The following PCSK1 variants were observed in gnomAD, a reference collection of about 807,000 sequenced individuals.
PCSK1 encodes the protein neuroendocrine convertase 1.
Under a neutral mutation model 90.6 loss-of-function variants are expected in PCSK1, and 56 were observed. The observed-to-expected ratio is 0.62, with a 90% CI of 0.50 to 0.77. The LOEUF is 0.77. Ranked by LOEUF, PCSK1 falls within the 30% of genes least tolerant of loss-of-function variation. The pLI is 0.00. For synonymous variants in PCSK1, 348 were observed against 342.4 expected (o/e 1.02, Z -0.18); for missense variants, 801 against 932.6 (o/e 0.86, Z 1.84).
chr5:96,422,163 CCAGCATTCAATTCT>C (rs145474576), intron 4 of PCSK1, among the ~76,000 whole-genome samples: 3,727 of 152,114 alleles, frequency 0.025, 145 homozygotes, highest in African/African-American at 0.085. Context: ...GCCAGGTGAG[CCAGCATTCAATTCT>C]CAGTGAATGT....
intron 1 of PCSK1, 109 bp downstream of exon 1, chr5:96,432,754 A>T: frequency 1.2e-6 from 1 of 850,642 alleles, no homozygotes; most frequent in Non-Finnish European, 2.0e-6. Context: ...GCTCTTTGCT[A>T]CTCTGGGCTC....
intron 2 of PCSK1, 143 bp downstream of exon 2, chr5:96,429,070 G>T (rs1162201882): frequency 8.4e-6 from 5 of 592,998 alleles, no homozygotes; most frequent in African/African-American, 1.9e-5. Context: ...TTTATGGAAA[G>T]AAATTAGAAA....
intron 9 of PCSK1, among the ~76,000 whole-genome samples, chr5:96,403,427 A>G (rs958762214): frequency 6.6e-6 from 1 of 151,960 alleles, no homozygotes; most frequent in Non-Finnish European, 1.5e-5. Context: ...ACCCCACCCC[A>G]TGACAGGCCC....
At chr5:96,431,177 A>G (rs1330148794) in intron 1 of PCSK1, among the ~76,000 whole-genome samples, 3 of 152,164 alleles carry the variant, frequency 2.0e-5, no homozygotes, top group African/African-American at 4.8e-5. Flanking sequence ...TCTGCTACTC[A>G]TACCCTCTTT....
At chr5:96,406,818 G>A (rs1199397175) in intron 9 of PCSK1, among the ~76,000 whole-genome samples, 1 of 152,208 alleles carries the variant, frequency 6.6e-6, no homozygotes, top group African/African-American at 2.4e-5. Flanking sequence ...TAATTTACAA[G>A]TTTAATCACT....
intron 1 of PCSK1, chr5:96,432,000 AC>A: frequency 1.0e-6 from 1 of 955,688 alleles, no homozygotes; most frequent in Non-Finnish European, 1.6e-6. Context: ...ACGCCCACCC[AC>A]CTCCAACCAG....
chr5:96,392,906 A>G lies in PCSK1; in HGVS notation c.*95T>C. 4 of 1,234,878 alleles carry G rather than the reference A, an allele frequency of 3.2e-6. No individual in the cohort carries two copies. The highest frequency in any genetic ancestry group is 4.8e-6 in the Non-Finnish European group (4 of 841,214). 76.5% of individuals were successfully genotyped at this position (1,234,878 alleles called of 1,614,324 possible). A position where few individuals can be genotyped will look rare whatever the true frequency, so the allele number is the denominator to read the frequency against. ...GTGCCACAAAGGATATTATAAGCAT[A>G]AGAATTCATGACAAAACAACCACTT... On this transcript the variant is annotated 3_prime_UTR_variant, in exon 14 of 14. Transcript: ENST00000311106.
Position 96,400,006 on chromosome 5 carries a change from C to T in PCSK1, c.1377G>A (p.Arg459=). Residue 459 remains arginine (R), a synonymous_variant, in exon 10 of 14, where the codon AGG becomes AGA. Coordinates refer to ENST00000311106, the MANE Select transcript of PCSK1 (RefSeq NM_000439.5). Reference sequence around the variant, plus strand: ...CACACTCTTTCTTCTCAGGCACGCTCCTCCAGGTCCTGGGGTCAGCTAAAT... The same window carrying T: ...CACACTCTTTCTTCTCAGGCACGCTTCTCCAGGTCCTGGGGTCAGCTAAAT... ...LVDLADPRTW[R]SVPEKKECVV... is the part of the protein sequence containing the mutation. 6.2e-7 allele frequency: 1 copy of T among 1,614,252 alleles called. No individual in the cohort carries two copies. Among genetic ancestry groups the T allele is most frequent in the Non-Finnish European group, 8.5e-7 (1 of 1,180,038 alleles).
chr5:96,393,281 C>T lies in PCSK1; in HGVS notation c.1982G>A (p.Gly661Glu), dbSNP rs544018373. 6.2e-7 allele frequency: 1 copy of T among 1,613,984 alleles called. No individual in the cohort carries two copies. The change falls in exon 14 of 14, where the codon GGA (glycine) becomes GAA (glutamate). Residue 661 changes from glycine (G) to glutamate (E), a missense_variant. By Grantham distance (98) the Gly-to-Glu change is moderately conservative. Transcript: ENST00000311106. ...VGGRRDELEE[G>E]APSQAMLRLL... ...TCGCAGCATGGCCTGGGAAGGGGCT[C>T]CCTCCTCCAACTCATCCCTCCGGCC...
rs1250753112 is a variant in PCSK1, at chr5:96,398,873, A to T, written c.1588+6T>A. ...ATATAAATGGCTTAGAACTTTTTTA[A>T]TTTACCAGCAGCAGAAGTAAGTGTG... On this transcript the variant is annotated splice_donor_region_variant and intron_variant, in intron 11 of 13. Coordinates refer to ENST00000311106, the MANE Select transcript of PCSK1 (RefSeq NM_000439.5). 10 of 1,611,608 alleles carry T rather than the reference A, an allele frequency of 6.2e-6. No homozygotes were observed. Among genetic ancestry groups the T allele is most frequent in the Non-Finnish European group, 7.6e-6 (9 of 1,177,886 alleles).
chr5:96,416,266 A>G, intron 5 of PCSK1, 145 bp from the exon 6 acceptor site: 3 of 673,300 alleles, frequency 4.5e-6, no homozygotes, highest in Non-Finnish European at 5.4e-6. Context: ...TTAGTATAAC[A>G]TAAAACTTAT....
chr5:96,431,351 T>C (rs1761489423), intron 1 of PCSK1, among the ~76,000 whole-genome samples: 1 of 152,160 alleles, frequency 6.6e-6, no homozygotes, highest in Admixed American at 6.5e-5. Context: ...GGAGCAAATG[T>C]TTTCTCCTTT....
At chr5:96,422,519 G>A (rs966447645) in intron 4 of PCSK1, among the ~76,000 whole-genome samples, 3 of 152,130 alleles carry the variant, frequency 2.0e-5, no homozygotes, top group Non-Finnish European at 2.9e-5. Flanking sequence ...CAACCCAATA[G>A]CTACACTTAA....
intron 9 of PCSK1, among the ~76,000 whole-genome samples, chr5:96,401,240 A>G (rs1443406207): frequency 2.0e-5 from 3 of 152,194 alleles, no homozygotes; most frequent in African/African-American, 7.2e-5. Flanking sequence ...AAGATCTAGG[A>G]AAACTTTGTG....
At position 96,392,913 on chromosome 5, in the gene PCSK1, C is replaced by G. The variant is rs886060886; in HGVS notation, c.*88G>C. 14 of 1,310,744 alleles carry G rather than the reference C, an allele frequency of 1.1e-5. No homozygotes were observed. Among genetic ancestry groups the G allele is most frequent in the Admixed American group, 1.0e-4 (6 of 59,154 alleles). 81.2% of individuals were successfully genotyped at this position (1,310,744 alleles called of 1,614,324 possible). On this transcript the variant is annotated 3_prime_UTR_variant, in exon 14 of 14. Transcript: ENST00000311106. ...AAAGGATATTATAAGCATAAGAATT[C>G]ATGACAAAACAACCACTTCAGACAC...
Sources: gnomAD v4.1 joint callset for allele counts (sites outside exome capture counted in the v4.1 genomes callset) on GRCh38, gnomAD v4.1.1 for gene constraint, MANE v1.5 for transcripts, NCBI Gene and HGNC (gene_info 2026-07-23, HGNC 2026-07-21) for gene names.